Variants in GRM7 observed in about 807,000 individuals in gnomAD.
The protein encoded by GRM7 is glutamate metabotropic receptor 7.
In GRM7, 35 loss-of-function variants were observed where a neutral mutation model predicts 84.5. The ratio of observed to expected loss-of-function variants is 0.41; its 90% confidence interval spans 0.32 to 0.55. The LOEUF (loss-of-function observed/expected upper bound fraction) is 0.55. Ranked by LOEUF, GRM7 falls within the 20% of genes least tolerant of loss-of-function variation. GRM7 has a pLI of 0.19. For synonymous variants in GRM7, 487 were observed against 455.1 expected, an observed-to-expected ratio of 1.07 and a Z score of -0.89; for missense variants, 1,003 against 1,194.6, an observed-to-expected ratio of 0.84 and a Z score of 2.36.
At chr3:7,088,229 C>G (rs1178858153) in intron 1 of GRM7, among the ~76,000 whole-genome samples, 1 of 152,192 alleles carries the variant, frequency 6.6e-6, no homozygotes, top group Non-Finnish European at 1.5e-5. Context: ...CCACAGAGGA[C>G]ACTCCTGCTG....
chr3:7,485,021 T>C (rs1407381732), intron 7 of GRM7, among the ~76,000 whole-genome samples: 3 of 152,170 alleles, frequency 2.0e-5, no homozygotes, highest in Non-Finnish European at 4.4e-5. Context: ...GAGGCACTTA[T>C]TCCAATAGGC....
At chr3:7,051,844 C>T (rs911727023) in intron 1 of GRM7, among the ~76,000 whole-genome samples, 2 of 151,664 alleles carry the variant, frequency 1.3e-5, no homozygotes, top group Admixed American at 6.6e-5. Context: ...GAGAAGCTGA[C>T]CTGGTAGATC....
At chr3:7,135,721 A>G (rs1367765139) in intron 1 of GRM7, among the ~76,000 whole-genome samples, 1 of 151,582 alleles carries the variant, frequency 6.6e-6, no homozygotes, top group Non-Finnish European at 1.5e-5. Flanking sequence ...TGTAATATAG[A>G]GAAAAAAATA....
chr3:6,959,410 G>C (rs567347045), intron 1 of GRM7, among the ~76,000 whole-genome samples: 1 of 151,940 alleles, frequency 6.6e-6, no homozygotes, highest in African/African-American at 2.4e-5. Context: ...GATGGTTAAG[G>C]TATGTAAAAT....
intron 1 of GRM7, among the ~76,000 whole-genome samples, chr3:6,922,408 G>A (rs1697157897): frequency 6.6e-6 from 1 of 152,168 alleles, no homozygotes; most frequent in Non-Finnish European, 1.5e-5. Context: ...AAATGGCCTA[G>A]CATTCTCCAA....
intron 7 of GRM7, among the ~76,000 whole-genome samples, chr3:7,555,106 A>G (rs1022202809): frequency 6.6e-6 from 1 of 152,170 alleles, no homozygotes; most frequent in Non-Finnish European, 1.5e-5. Context: ...TCCATGTCTC[A>G]TTCTTCTCAG....
At chr3:7,140,429 G>A (rs928332547) in intron 1 of GRM7, among the ~76,000 whole-genome samples, 1 of 152,014 alleles carries the variant, frequency 6.6e-6, no homozygotes, top group African/African-American at 2.4e-5. Flanking sequence ...AAGGGGAATT[G>A]TAGCACAGGG....
At chr3:6,962,789 G>A (rs186494575) in intron 1 of GRM7, among the ~76,000 whole-genome samples, 1 of 152,068 alleles carries the variant, frequency 6.6e-6, no homozygotes, top group Non-Finnish European at 1.5e-5. Flanking sequence ...GTGAAGGAGG[G>A]GGACAGTTCC....
chr3:7,262,230 C>G (rs559014851), intron 2 of GRM7, among the ~76,000 whole-genome samples: 3 of 151,772 alleles, frequency 2.0e-5, no homozygotes, highest in African/African-American at 7.2e-5. Flanking sequence ...TTGATTCATT[C>G]TCCCCATTTC....
At chr3:7,064,343 T>C (rs1166054923) in intron 1 of GRM7, among the ~76,000 whole-genome samples, 1 of 150,496 alleles carries the variant, frequency 6.6e-6, no homozygotes, top group Non-Finnish European at 1.5e-5. Flanking sequence ...CATTTGGTTT[T>C]CCATTGCTGA....
intron 1 of GRM7, among the ~76,000 whole-genome samples, chr3:7,100,939 C>T (rs981792751): frequency 6.6e-6 from 1 of 151,228 alleles, no homozygotes; most frequent in African/African-American, 2.4e-5. Flanking sequence ...AGTTTGTTTC[C>T]TCCGTTGCTG....
chr3:7,046,581 T>C (rs957645168), intron 1 of GRM7, among the ~76,000 whole-genome samples: 4 of 152,118 alleles, frequency 2.6e-5, no homozygotes, highest in African/African-American at 9.7e-5. Flanking sequence ...TTTTGTTACT[T>C]CCAGGCTATT....
chr3:7,206,998 TACAG>T (rs1363772143), intron 2 of GRM7, among the ~76,000 whole-genome samples: 1 of 152,076 alleles, frequency 6.6e-6, no homozygotes, highest in Non-Finnish European at 1.5e-5. Flanking sequence ...ATGATTTGCA[TACAG>T]ACAGTTTGGA....
intron 1 of GRM7, among the ~76,000 whole-genome samples, chr3:6,877,177 G>A (rs1431763754): frequency 6.6e-6 from 1 of 152,178 alleles, no homozygotes; most frequent in Non-Finnish European, 1.5e-5. Flanking sequence ...TCATGTTAGT[G>A]AGCTTCTCTT....
intron 8 of GRM7, among the ~76,000 whole-genome samples, chr3:7,587,498 G>A (rs1695574250): frequency 6.6e-6 from 1 of 152,146 alleles, no homozygotes; most frequent in Admixed American, 6.5e-5. Context: ...ATATAAATTA[G>A]CGGGACTATA....
intron 1 of GRM7, among the ~76,000 whole-genome samples, chr3:6,995,748 A>T (rs1694803267): frequency 6.6e-6 from 1 of 152,204 alleles, no homozygotes; most frequent in African/African-American, 2.4e-5. Context: ...AAAAAAAGAA[A>T]AGAAATTATT....
At chr3:7,585,635 T>C (rs1293211790) in intron 8 of GRM7, among the ~76,000 whole-genome samples, 1 of 152,186 alleles carries the variant, frequency 6.6e-6, no homozygotes, top group East Asian at 1.9e-4. Flanking sequence ...TGAATCTTCC[T>C]GCCACCTCCC....
chr3:7,170,403 A>C (rs1694946160), intron 2 of GRM7, among the ~76,000 whole-genome samples: 1 of 152,086 alleles, frequency 6.6e-6, no homozygotes, highest in Non-Finnish European at 1.5e-5. Flanking sequence ...CCAGGAACAT[A>C]ACTCTGCTGC....
Position 6,861,396 on chromosome 3 carries a change from A to C in GRM7, c.8A>C (p.Gln3Pro). MV[Q>P]LRKLLRVLTL... Reference sequence around the variant, plus strand: ...CGCAGCAGCCGGAGCAGCATGGTCCAGCTGAGGAAGCTGCTCCGCGTCCTG... The same window carrying C: ...CGCAGCAGCCGGAGCAGCATGGTCCCGCTGAGGAAGCTGCTCCGCGTCCTG... The change falls in exon 1 of 10, where the codon CAG (glutamine) becomes CCG (proline). Residue 3 changes from glutamine (Q) to proline (P), a missense_variant. By Grantham distance (76) the Gln-to-Pro change is moderately conservative. This residue lies in a region of GRM7 where 93 missense variants were observed against 68.6 expected (regional missense o/e 1.36). Transcript: ENST00000357716. This position sits in a 1 kb window ranked among gnomAD's most constrained non-coding sequence, Gnocchi z 6.4. The C allele has an allele frequency of 3.2e-6, 5 of 1,568,946 alleles. No homozygotes were observed. Among genetic ancestry groups the C allele is most frequent in the Non-Finnish European group, 2.6e-6 (3 of 1,161,284 alleles).
Sources: gnomAD v4.1 joint callset for allele counts (sites outside exome capture counted in the v4.1 genomes callset) on GRCh38, gnomAD v4.1.1 for gene constraint, gnomAD v4.1.1 regional missense constraint, Gnocchi (gnomAD v3.1) non-coding constraint, MANE v1.5 for transcripts, NCBI Gene and HGNC (gene_info 2026-07-23, HGNC 2026-07-21) for gene names.